The following ACSL4 variants were observed in gnomAD, a reference collection of about 807,000 sequenced individuals.
ACSL4 encodes long-chain-fatty-acid--CoA ligase 4.
Under a neutral mutation model 49.1 loss-of-function variants are expected in ACSL4, and 9 were observed. That is an observed-to-expected ratio of 0.18 (90% CI 0.11 to 0.32). The LOEUF is 0.32. ACSL4 is among the 10% of genes least tolerant of loss of function. The pLI, the probability that ACSL4 is intolerant of heterozygous loss-of-function variation, is 1.00. For missense variants in ACSL4, 333 were observed against 493.7 expected, an observed-to-expected ratio of 0.67 and a Z score of 3.08; for synonymous variants, 191 against 170.3, an observed-to-expected ratio of 1.12 and a Z score of -0.95.
intron 2 of ACSL4, among the ~76,000 whole-genome samples, chrX:109,685,745 T>C (rs1248781241): frequency 9.1e-6 from 1 of 109,827 alleles, no homozygotes; most frequent in East Asian, 2.8e-4. Flanking sequence ...GAGCAAACCA[T>C]CTACCTCAGT....
chrX:109,682,592 T>C (rs1322320958), intron 4 of ACSL4, 127 bp downstream of exon 4: 1 of 758,419 alleles, frequency 1.3e-6, no homozygotes, highest in Non-Finnish European at 2.0e-6. Context: ...ACATGCCGTA[T>C]TATGGACATA....
chrX:109,677,767 CA>C (rs1401313765), intron 8 of ACSL4, among the ~76,000 whole-genome samples: 3 of 106,903 alleles, frequency 2.8e-5, no homozygotes, highest in African/African-American at 1.0e-4. Flanking sequence ...GGTGACAGAG[CA>C]AAAGAAAAGA....
intron 15 of ACSL4, among the ~76,000 whole-genome samples, chrX:109,651,017 T>C (rs1225818063): frequency 8.9e-6 from 1 of 112,257 alleles, no homozygotes; most frequent in African/African-American, 3.2e-5. Flanking sequence ...ACTGATGCAA[T>C]GAATATTGTA....
intron 2 of ACSL4, among the ~76,000 whole-genome samples, chrX:109,693,275 A>G (rs907806298): frequency 9.0e-6 from 1 of 111,141 alleles, no homozygotes; most frequent in African/African-American, 3.3e-5. Flanking sequence ...AAAAAAAAAA[A>G]CTCATTCTGC....
chrX:109,699,121 C>T (rs1925673815), intron 1 of ACSL4, among the ~76,000 whole-genome samples: 1 of 112,354 alleles, frequency 8.9e-6, no homozygotes, highest in Non-Finnish European at 1.9e-5. Context: ...TATCCCAGTA[C>T]TTTGGGAGGC....
At chrX:109,727,470 T>C (rs1928089760) in intron 1 of ACSL4, among the ~76,000 whole-genome samples, 1 of 111,775 alleles carries the variant, frequency 8.9e-6, no homozygotes, top group Non-Finnish European at 1.9e-5. Flanking sequence ...TAAATTCACA[T>C]TCACATTTAA....
At chrX:109,691,566 T>A (rs1925038364) in intron 2 of ACSL4, among the ~76,000 whole-genome samples, 1 of 111,996 alleles carries the variant, frequency 8.9e-6, no homozygotes, top group Admixed American at 9.5e-5. Flanking sequence ...CTAGGTTGAG[T>A]CAGAATGGTT....
chrX:109,671,841 G>A (rs1000118090), intron 9 of ACSL4, among the ~76,000 whole-genome samples: 167 of 110,903 alleles, frequency 1.5e-3, no homozygotes, highest in Non-Finnish European at 2.7e-3. Flanking sequence ...TAAGGGTGGT[G>A]CAAGATGTGC....
chrX:109,685,317 A>G (rs1443800233), intron 2 of ACSL4: 1 of 110,034 alleles, frequency 9.1e-6, no homozygotes, highest in Non-Finnish European at 1.9e-5. Flanking sequence ...GCTGTTCTCA[A>G]AATCCTGGAC....
At chrX:109,679,932 C>G (rs955378516) in intron 6 of ACSL4, among the ~76,000 whole-genome samples, 3 of 111,689 alleles carry the variant, frequency 2.7e-5, no homozygotes, top group Non-Finnish European at 5.6e-5. Context: ...AAAAACAATT[C>G]TCTATGGGTC....
chrX:109,705,943 C>T (rs955750283), intron 1 of ACSL4, among the ~76,000 whole-genome samples: 1 of 112,760 alleles, frequency 8.9e-6, no homozygotes. Context: ...GTGATCCACC[C>T]GTCTCAGCCT....
intron 1 of ACSL4, among the ~76,000 whole-genome samples, chrX:109,727,657 TTGTGTGTGTGTG>T (rs35186119): frequency 0.024 from 2,129 of 88,347 alleles, 30 homozygotes; most frequent in African/African-American, 0.051. Context: ...GTTTGTTAAA[TTGTGTGTGTGTG>T]TGTGTGTGTG....
intron 1 of ACSL4, among the ~76,000 whole-genome samples, chrX:109,724,409 G>A (rs1335961136): frequency 9.0e-6 from 1 of 111,130 alleles, no homozygotes; most frequent in Admixed American, 9.6e-5. Flanking sequence ...CAAGTATCTG[G>A]GACTACAGTT....
intron 1 of ACSL4, among the ~76,000 whole-genome samples, chrX:109,706,592 A>G (rs1010516330): frequency 8.9e-6 from 1 of 112,654 alleles, no homozygotes; most frequent in Non-Finnish European, 1.9e-5. Flanking sequence ...CTTGATTATC[A>G]TGAAACAACT....
intron 1 of ACSL4, among the ~76,000 whole-genome samples, chrX:109,716,650 T>C (rs1927141996): frequency 8.9e-6 from 1 of 112,312 alleles, no homozygotes. Context: ...GGTTTCATTG[T>C]TTAAGTACTT....
At chrX:109,704,823 G>A (rs1322737944) in intron 1 of ACSL4, among the ~76,000 whole-genome samples, 1 of 111,670 alleles carries the variant, frequency 9.0e-6, no homozygotes, top group Non-Finnish European at 1.9e-5. Context: ...GAAAGATGAA[G>A]AAGTCCCAGA....
chrX:109,654,248 AG>A (rs1182804233), intron 15 of ACSL4, among the ~76,000 whole-genome samples: 30 of 110,973 alleles, frequency 2.7e-4, no homozygotes, highest in Non-Finnish European at 5.3e-4. Flanking sequence ...TGACAGCTTA[AG>A]TATATATACC....
chrX:109,662,563 T>A (rs1922258677), intron 13 of ACSL4, among the ~76,000 whole-genome samples: 1 of 110,893 alleles, frequency 9.0e-6, no homozygotes, highest in African/African-American at 3.3e-5. Flanking sequence ...TTTTGCCTCA[T>A]CCAAGTGAAT....
At position 109,669,169 on chromosome X, in the gene ACSL4, A is replaced by AT; in HGVS notation, c.1006dup (p.Ile336AsnfsTer4). ...AACATTCTTATAAATTCTATCCATGATTTCCTGAAAGTTAAACAAAATATT... is the reference window on the plus strand; with the variant it reads ...AACATTCTTATAAATTCTATCCATGATTTTCCTGAAAGTTAAACAAAATATT... On this transcript the variant is annotated frameshift_variant, in exon 10 of 16. Transcript: ENST00000672401. LOFTEE classifies it high-confidence loss of function. 8.6e-7 allele frequency: 1 copy of AT among 1,159,651 alleles called. No individual in the cohort carries two copies. Among genetic ancestry groups the AT allele is most frequent in the Non-Finnish European group, 1.2e-6 (1 of 851,402 alleles).
Sources: gnomAD v4.1 joint callset for allele counts (sites outside exome capture counted in the v4.1 genomes callset) on GRCh38, gnomAD v4.1.1 for gene constraint, MANE v1.5 for transcripts, NCBI Gene and HGNC (gene_info 2026-07-23, HGNC 2026-07-21) for gene names.